Variants in TENM3 observed in about 807,000 individuals in gnomAD.
TENM3 encodes the protein teneurin transmembrane protein 3.
A neutral mutation model predicts 255.1 loss-of-function variants in TENM3; 63 were observed. The observed-to-expected ratio is 0.25, with a 90% CI of 0.20 to 0.30. The LOEUF (loss-of-function observed/expected upper bound fraction) is 0.30, where lower values mean the gene tolerates loss of function less well. Ranked by LOEUF, TENM3 falls within the 10% of genes least tolerant of loss-of-function variation. The probability of loss-of-function intolerance (pLI) is 1.00; values close to 1 mark genes in which losing one functional copy is unlikely to be tolerated. For missense variants in TENM3, 2,929 were observed against 3,461.1 expected (o/e 0.85, Z 3.86); for synonymous variants, 1,306 against 1,322.3 (o/e 0.99, Z 0.27).
the TENM3 span, among the ~76,000 whole-genome samples, chr4:181,465,432 T>C: frequency 1.3e-5 from 2 of 152,204 alleles, no homozygotes; most frequent in East Asian, 1.9e-4. Flanking sequence ...CAAAGAGTGC[T>C]TTTACTTAGA....
intron 16 of TENM3, among the ~76,000 whole-genome samples, chr4:182,731,693 G>GT: frequency 1.4e-5 from 1 of 69,188 alleles, no homozygotes; most frequent in Non-Finnish European, 2.7e-5. Context: ...GTGGGTGTTG[G>GT]GGTGTGTGTG....
At chr4:181,739,016 C>T in the TENM3 span, among the ~76,000 whole-genome samples, 306 of 152,202 alleles carry the variant, frequency 2.0e-3, no homozygotes, top group African/African-American at 6.8e-3. Flanking sequence ...ACACTCACTC[C>T]GTCACTGAAC....
the TENM3 span, among the ~76,000 whole-genome samples, chr4:182,097,429 A>T: frequency 6.6e-6 from 1 of 152,148 alleles, no homozygotes; most frequent in Non-Finnish European, 1.5e-5. Flanking sequence ...CCAGGACATG[A>T]TGCCTTGAGT....
the TENM3 span, among the ~76,000 whole-genome samples, chr4:181,968,075 T>C: frequency 1.3e-5 from 2 of 152,030 alleles, no homozygotes; most frequent in Non-Finnish European, 2.9e-5. Flanking sequence ...TTTCTGGAGG[T>C]CCTGGTATTC....
At chr4:182,027,151 T>C in the TENM3 span, among the ~76,000 whole-genome samples, 2 of 152,252 alleles carry the variant, frequency 1.3e-5, no homozygotes, top group East Asian at 1.9e-4. Context: ...GTTTTCATTA[T>C]AGAGATCTTC....
At chr4:182,155,240 C>G (rs1019942075) in intron 1 of TENM3, among the ~76,000 whole-genome samples, 1 of 152,136 alleles carries the variant, frequency 6.6e-6, no homozygotes, top group East Asian at 1.9e-4. Context: ...TCTGAGGCTA[C>G]AAGCTTCTAA....
the TENM3 span, among the ~76,000 whole-genome samples, chr4:182,085,661 T>C: frequency 6.6e-6 from 1 of 152,186 alleles, no homozygotes; most frequent in African/African-American, 2.4e-5. Flanking sequence ...GAATTTATTA[T>C]GCCAAAGTGA....
At chr4:181,610,277 A>G in the TENM3 span, among the ~76,000 whole-genome samples, 1 of 152,218 alleles carries the variant, frequency 6.6e-6, no homozygotes, top group Admixed American at 6.5e-5. Flanking sequence ...GTGTGTCATT[A>G]GGTTCCTAGA....
At chr4:182,637,060 A>G (rs1402969289) in intron 5 of TENM3, among the ~76,000 whole-genome samples, 1 of 152,230 alleles carries the variant, frequency 6.6e-6, no homozygotes, top group African/African-American at 2.4e-5. Context: ...TGGTACTAAC[A>G]GCGGCATATT....
the TENM3 span, among the ~76,000 whole-genome samples, chr4:181,722,676 A>G: frequency 1.3e-5 from 2 of 152,224 alleles, no homozygotes; most frequent in Non-Finnish European, 2.9e-5. Flanking sequence ...TTTAATGTAT[A>G]TATATTTTAT....
At position 182,736,943 on chromosome 4, in the gene TENM3, C is replaced by T; in HGVS notation, c.3103C>T (p.His1035Tyr). ...SIIPFNLMKV[H>Y]LMVAVVGRLF... ...TATTCCATTTAATTTAATGAAGGTT[C>T]ATCTTATGGTAGCTGTAGTAGGAAG... Residue 1035 changes from histidine to tyrosine, a missense_variant, in exon 17 of 28, where the codon CAT becomes TAT. Around this residue, in one of 6 missense-constraint regions of TENM3, gnomAD observed 1,608 missense variants for 1,884.4 expected, o/e 0.85. Transcript: ENST00000511685. 1.2e-6 allele frequency: 2 copies of T among 1,613,856 alleles called. No individual in the cohort carries two copies. The highest frequency in any genetic ancestry group is 4.5e-5 in the East Asian group (2 of 44,856).
chr4:181,974,899 A>G, the TENM3 span, among the ~76,000 whole-genome samples: 1 of 152,124 alleles, frequency 6.6e-6, no homozygotes, highest in African/African-American at 2.4e-5. Context: ...AATATTGAAC[A>G]TTGTAACCGA....
At chr4:182,552,129 T>A (rs1353801016) in intron 3 of TENM3, among the ~76,000 whole-genome samples, 1 of 152,052 alleles carries the variant, frequency 6.6e-6, no homozygotes, top group Non-Finnish European at 1.5e-5. Context: ...AGCTTTTTTC[T>A]CCTTTCTTGT....
intron 1 of TENM3, among the ~76,000 whole-genome samples, chr4:182,217,208 A>T (rs1755544489): frequency 6.6e-6 from 1 of 151,050 alleles, no homozygotes; most frequent in Non-Finnish European, 1.5e-5. Flanking sequence ...TTTAGTAGAG[A>T]CAGGGTTTCG....
chr4:182,502,663 A>G (rs1469872010), intron 3 of TENM3, among the ~76,000 whole-genome samples: 1 of 152,016 alleles, frequency 6.6e-6, no homozygotes, highest in Non-Finnish European at 1.5e-5. Context: ...TGGATACCGT[A>G]TCCTCTTTTA....
In TENM3 at chr4:182,767,269, G is replaced by GCA. The variant is rs1763796052; in HGVS notation, c.4893-6202_4893-6201dup. Among the ~76,000 whole-genome samples, 9 of 152,234 alleles carry GCA rather than the reference G, an allele frequency of 5.9e-5. No homozygotes were observed. The South Asian group carries it at 1.9e-3, about 32-fold the overall frequency. ...ATCACATTATTGCCATTAAGATTCC[G>GCA]CATCAGCCCGCCGTTCCGGGTTCGC... is the stretch of plus-strand genomic sequence containing the variant. On this transcript the variant is annotated intron_variant, in intron 22 of 27. Coordinates refer to ENST00000511685, the MANE Select transcript of TENM3 (RefSeq NM_001080477.4).
chr4:182,637,132 A>G (rs1751911243), intron 5 of TENM3, among the ~76,000 whole-genome samples: 1 of 152,104 alleles, frequency 6.6e-6, no homozygotes. Flanking sequence ...ATAAGGTTAA[A>G]AAAACTTGAA....
chr4:182,193,258 T>C (rs1753632259), intron 1 of TENM3, among the ~76,000 whole-genome samples: 2 of 152,218 alleles, frequency 1.3e-5, no homozygotes, highest in African/African-American at 4.8e-5. Flanking sequence ...GTAACATTCA[T>C]TAAATTGTTT....
chr4:182,161,626 CAA>C (rs1283548418), intron 1 of TENM3, among the ~76,000 whole-genome samples: 1 of 89,482 alleles, frequency 1.1e-5, no homozygotes, highest in African/African-American at 4.4e-5. Context: ...TATATATATA[CAA>C]ATATATATAT....
Sources: gnomAD v4.1 joint callset for allele counts (sites outside exome capture counted in the v4.1 genomes callset) on GRCh38, gnomAD v4.1.1 for gene constraint, gnomAD v4.1.1 regional missense constraint, MANE v1.5 for transcripts, NCBI Gene and HGNC (gene_info 2026-07-23, HGNC 2026-07-21) for gene names.